The following CSMD1 variants were observed in gnomAD, a reference collection of about 807,000 sequenced individuals.
CSMD1 encodes CUB and Sushi multiple domains 1.
Under a neutral mutation model 417.5 loss-of-function variants are expected in CSMD1, and 213 were observed. The ratio of observed to expected loss-of-function variants is 0.51; its 90% CI spans 0.46 to 0.57. The LOEUF is 0.57. CSMD1 is among the 20% of genes least tolerant of loss of function. The pLI is 0.00. For missense variants in CSMD1, 6,923 were observed against 4,529.7 expected (o/e 1.53, Z -15.17); for synonymous variants, 2,862 against 1,736.8 (o/e 1.65, Z -16.11).
intron 37 of CSMD1, among the ~76,000 whole-genome samples, chr8:3,170,140 T>C (rs974368591): frequency 1.2e-4 from 19 of 152,260 alleles, no homozygotes; most frequent in Admixed American, 6.5e-5. Context: ...AAAGTAAATT[T>C]GCTTTGCTGA....
At chr8:3,205,088 G>A (rs192480499) in intron 31 of CSMD1, among the ~76,000 whole-genome samples, 1 of 152,302 alleles carries the variant, frequency 6.6e-6, no homozygotes, top group East Asian at 1.9e-4. Context: ...AGGATGCAGT[G>A]ATTTCGATCA....
At chr8:3,789,941 C>A (rs976672524) in intron 5 of CSMD1, among the ~76,000 whole-genome samples, 1 of 152,026 alleles carries the variant, frequency 6.6e-6, no homozygotes, top group African/African-American at 2.4e-5. Flanking sequence ...CCATGTTAGC[C>A]AGGATGGTCT....
intron 4 of CSMD1, among the ~76,000 whole-genome samples, chr8:4,012,547 G>T (rs547049374): frequency 3.9e-5 from 6 of 152,112 alleles, no homozygotes; most frequent in Non-Finnish European, 8.8e-5. Context: ...CACAGCACCT[G>T]GCAGGTAGTT....
chr8:4,676,824 T>G (rs1332438255), intron 1 of CSMD1, among the ~76,000 whole-genome samples: 1 of 151,834 alleles, frequency 6.6e-6, no homozygotes, highest in East Asian at 1.9e-4. Flanking sequence ...GCTTTGAATG[T>G]TTTGTTCTTC....
rs2959181 is a variant in CSMD1, at chr8:4,483,354, C to T, written c.303-63289G>A. ...GGCAGCATGAAAATGAACAAATACA[C>T]CAGTAGATAAATTATTTTGCTTAAT... On this transcript the variant is annotated intron_variant, in intron 2 of 69. Transcript: ENST00000635120. 7.9e-5 allele frequency among the ~76,000 whole-genome samples: 12 copies of T among 152,248 alleles called. No individual in the cohort carries two copies. In the South Asian group the frequency reaches 2.3e-3, roughly 29 times the overall value.
At chr8:3,904,395 T>G (rs1216445867) in intron 5 of CSMD1, among the ~76,000 whole-genome samples, 1 of 152,152 alleles carries the variant, frequency 6.6e-6, no homozygotes, top group Non-Finnish European at 1.5e-5. Context: ...ACCTCTTTAT[T>G]GCAATGGACC....
intron 25 of CSMD1, among the ~76,000 whole-genome samples, chr8:3,287,869 C>G (rs200834512): frequency 7.0e-6 from 1 of 143,510 alleles, no homozygotes; most frequent in Non-Finnish European, 1.5e-5. Flanking sequence ...GAGGGCATCC[C>G]TCTCTTGTGC....
intron 45 of CSMD1, among the ~76,000 whole-genome samples, chr8:3,107,316 G>A (rs1452106510): frequency 1.3e-5 from 2 of 152,114 alleles, no homozygotes; most frequent in African/African-American, 4.8e-5. Flanking sequence ...TCACTGTTAT[G>A]TAATCATCCT....
rs574670339 is a variant in CSMD1 at position 3,867,972 on chromosome 8, T to G, written c.819-113930A>C. On this transcript the variant is annotated intron_variant, in intron 5 of 69. Coordinates refer to ENST00000635120, the MANE Select transcript of CSMD1 (RefSeq NM_033225.6). ...ATGTCTTCTCTGGTGTTTATGTCAC[T>G]GTGGGAGACCCAAGATTCTCAGGTC... is the stretch of plus-strand genomic sequence containing the variant. Among the ~76,000 whole-genome samples, 3 of 152,234 alleles carry G rather than the reference T, an allele frequency of 2.0e-5. No individual in the cohort carries two copies. The East Asian group carries it at 5.8e-4, about 29-fold the overall frequency.
chr8:3,755,492 G>C (rs747972446), intron 5 of CSMD1, among the ~76,000 whole-genome samples: 2 of 151,922 alleles, frequency 1.3e-5, no homozygotes, highest in Non-Finnish European at 2.9e-5. Flanking sequence ...TAAGCAAATT[G>C]CTTTTAGCAG....
At chr8:4,706,053 T>C (rs1807917475) in intron 1 of CSMD1, among the ~76,000 whole-genome samples, 1 of 150,828 alleles carries the variant, frequency 6.6e-6, no homozygotes, top group Non-Finnish European at 1.5e-5. Context: ...TAATTTTTTA[T>C]ATATACACAA....
Position 3,312,661 on chromosome 8 carries a change from A to G in CSMD1, c.3632-4158T>C, listed in dbSNP as rs1331199665. On this transcript the variant is annotated intron_variant, in intron 23 of 69. Transcript: ENST00000635120. ...CAATACCTTGAAGGACTAGAGAAAC[A>G]TCCCTAGAAATCTGAAGCTTCTACT... Among the ~76,000 whole-genome samples the G allele has an allele frequency of 3.1e-4, 47 of 152,176 alleles. 1 individual carries two copies. The highest frequency in any genetic ancestry group is 3.1e-3 in the Admixed American group (47 of 15,272).
intron 6 of CSMD1, among the ~76,000 whole-genome samples, chr8:3,730,143 C>T (rs1043017688): frequency 6.6e-6 from 1 of 152,012 alleles, no homozygotes; most frequent in African/African-American, 2.4e-5. Flanking sequence ...ATGTGATCAT[C>T]CTGAAGGCTT....
At chr8:4,477,824 T>C (rs1425549020) in intron 2 of CSMD1, among the ~76,000 whole-genome samples, 1 of 152,196 alleles carries the variant, frequency 6.6e-6, no homozygotes, top group African/African-American at 2.4e-5. Context: ...ATGTGCTGTA[T>C]TATATTTTTG....
At chr8:3,716,202 T>C (rs1488749178) in intron 6 of CSMD1, among the ~76,000 whole-genome samples, 2 of 152,296 alleles carry the variant, frequency 1.3e-5, no homozygotes, top group South Asian at 2.1e-4. Context: ...CACTTTACTA[T>C]TTATTGCCAT....
intron 54 of CSMD1, among the ~76,000 whole-genome samples, chr8:2,983,570 G>A (rs1019289731): frequency 2.0e-5 from 3 of 152,138 alleles, no homozygotes; most frequent in African/African-American, 7.2e-5. Flanking sequence ...TTTACTTGAA[G>A]GCTCTGAGAT....
chr8:4,359,742 C>A (rs1300710173), intron 3 of CSMD1, among the ~76,000 whole-genome samples: 1 of 152,184 alleles, frequency 6.6e-6, no homozygotes, highest in Non-Finnish European at 1.5e-5. Context: ...TGGCCCACTT[C>A]TACATTCATT....
intron 50 of CSMD1, among the ~76,000 whole-genome samples, 180 bp from the exon 51 acceptor site, chr8:3,029,693 AT>A (rs752743722): frequency 3.3e-5 from 5 of 152,184 alleles, no homozygotes; most frequent in Non-Finnish European, 5.9e-5. Flanking sequence ...ATGATCCCAT[AT>A]GTAAAATGCA....
In CSMD1 at chr8:4,308,347, C is replaced by T. The variant is rs988379299; in HGVS notation, c.415+111606G>A. Among the ~76,000 whole-genome samples, 6 of 151,410 alleles carry T rather than the reference C, an allele frequency of 4.0e-5. No individual in the cohort carries two copies. In the South Asian group the frequency reaches 6.3e-4, roughly 16 times the overall value. On this transcript the variant is annotated intron_variant, in intron 3 of 69. Transcript: ENST00000635120. The stretch of plus-strand genomic sequence containing the variant: ...TATCTGGTGTGTATCGTTTGTGGTG[C>T]GTGTGCACTGTGTGTAGTGTGTGTT...
Sources: gnomAD v4.1 joint callset for allele counts (sites outside exome capture counted in the v4.1 genomes callset) on GRCh38, gnomAD v4.1.1 for gene constraint, MANE v1.5 for transcripts, NCBI Gene and HGNC (gene_info 2026-07-23, HGNC 2026-07-21) for gene names.